Variants in NFYB observed in about 807,000 individuals in gnomAD.
NFYB encodes nuclear transcription factor Y subunit beta.
A neutral mutation model predicts 28.0 loss-of-function variants in NFYB; 13 were observed. That is an observed-to-expected ratio of 0.46 (90% confidence interval 0.30 to 0.74). NFYB has a LOEUF of 0.74. Among genes scored for constraint, NFYB ranks in the 30% least tolerant of loss-of-function variants. The pLI is 0.07. For missense variants in NFYB, 142 were observed against 247.6 expected (o/e 0.57, Z 2.86); for synonymous variants, 74 against 75.0 (o/e 0.99, Z 0.07).
intron 2 of NFYB, among the ~76,000 whole-genome samples, chr12:104,130,975 T>C (rs1020236105): frequency 1.3e-5 from 2 of 152,076 alleles, no homozygotes; most frequent in Non-Finnish European, 2.9e-5. Context: ...CCTGAATGAG[T>C]GTTTACATGA....
At chr12:104,137,674 G>A (rs1320780357) in intron 1 of NFYB, 28 of 149,512 alleles carry the variant, frequency 1.9e-4, no homozygotes, top group Admixed American at 1.3e-4. Flanking sequence ...ACAGCCCCGC[G>A]GGCGGGAGGA....
At chr12:104,125,087 A>T (rs2030631663) in intron 4 of NFYB, 3 of 152,340 alleles carry the variant, frequency 2.0e-5, no homozygotes, top group African/African-American at 7.2e-5. Context: ...AAGAAAAAAA[A>T]ATATCAATTT....
chr12:104,137,550 C>T (rs565669947), intron 1 of NFYB: 9 of 152,448 alleles, frequency 5.9e-5, no homozygotes, highest in Non-Finnish European at 1.2e-4. Context: ...GGAGGCCGCC[C>T]CCAGAGCGCA....
intron 1 of NFYB, among the ~76,000 whole-genome samples, chr12:104,137,016 T>C (rs770612539): frequency 6.6e-6 from 1 of 152,206 alleles, no homozygotes; most frequent in Non-Finnish European, 1.5e-5. Flanking sequence ...CTTTCAATAC[T>C]TTACAAATAA....
intron 5 of NFYB, among the ~76,000 whole-genome samples, 190 bp downstream of exon 5, chr12:104,123,036 C>T (rs1300032594): frequency 6.6e-6 from 1 of 151,808 alleles, no homozygotes; most frequent in Non-Finnish European, 1.5e-5. Flanking sequence ...CTTAGCCAGG[C>T]ATGGTGGTGC....
chr12:104,128,405 C>A lies in NFYB; in HGVS notation c.100+19G>T. The A allele has an allele frequency of 6.4e-7, 1 of 1,573,386 alleles. No individual in the cohort carries two copies. The highest frequency in any genetic ancestry group is 1.1e-5 in the South Asian group (1 of 87,630). On this transcript the variant is annotated intron_variant, in intron 3 of 7. Coordinates refer to ENST00000240055, the MANE Select transcript of NFYB (RefSeq NM_006166.4). ...CTTGCTTCAACTTGAGAATTTGGTT[C>A]TAATTGTGGCTTGCTTACCATCATG...
In NFYB at chr12:104,118,491, T is replaced by C. The variant is rs2030346554; in HGVS notation, c.*1246A>G. On this transcript the variant is annotated 3_prime_UTR_variant, in exon 8 of 8. Coordinates refer to ENST00000240055, the MANE Select transcript of NFYB (RefSeq NM_006166.4). ...TTCAAAGATGATATTCACTCCAACTTCCTTTTAGGCAAACTATACAATAGC... is the reference window on the plus strand; with the variant it reads ...TTCAAAGATGATATTCACTCCAACTCCCTTTTAGGCAAACTATACAATAGC... 1 of 152,554 alleles carries C rather than the reference T, an allele frequency of 6.6e-6. No homozygotes were observed. The highest frequency in any genetic ancestry group is 2.4e-5 in the African/African-American group (1 of 41,408). 9.5% of individuals were successfully genotyped at this position (152,554 alleles called of 1,614,324 possible).
intron 2 of NFYB, among the ~76,000 whole-genome samples, chr12:104,132,092 A>C (rs2136668478): frequency 6.6e-6 from 1 of 152,356 alleles, no homozygotes; most frequent in East Asian, 1.9e-4. Flanking sequence ...ATAATTAAGT[A>C]ATTGCTAGTG....
intron 2 of NFYB, 83 bp from the exon 3 acceptor site, chr12:104,128,600 A>C: frequency 1.2e-6 from 1 of 814,972 alleles, no homozygotes; most frequent in Non-Finnish European, 2.1e-6. Context: ...CTGTCACAGG[A>C]TGATGCATCA....
At chr12:104,123,145 C>T in intron 5 of NFYB, 81 bp downstream of exon 5, 2 of 1,101,204 alleles carry the variant, frequency 1.8e-6, no homozygotes, top group South Asian at 1.6e-5. Context: ...CACTGTACTC[C>T]AGCCTGGGCA....
intron 3 of NFYB, 129 bp from the exon 4 acceptor site, chr12:104,126,373 T>G: frequency 1.6e-6 from 1 of 632,156 alleles, no homozygotes; most frequent in Non-Finnish European, 2.3e-6. Flanking sequence ...GGGATTAGGA[T>G]AGCAAGTCTC....
At chr12:104,126,301 G>C (rs527971141) in intron 3 of NFYB, 57 bp from the exon 4 acceptor site, 1 of 1,312,806 alleles carries the variant, frequency 7.6e-7, no homozygotes, top group African/African-American at 1.5e-5. Flanking sequence ...TTTCAAGATA[G>C]AAAAAACTAC....
chr12:104,125,827 A>G (rs927321140), intron 4 of NFYB, among the ~76,000 whole-genome samples: 37 of 149,452 alleles, frequency 2.5e-4, no homozygotes, highest in Admixed American at 8.1e-4. Flanking sequence ...CAGCCTGGCC[A>G]ATAAGAGTGA....
chr12:104,133,124 C>A (rs2030984223), intron 2 of NFYB, among the ~76,000 whole-genome samples: 1 of 152,148 alleles, frequency 6.6e-6, no homozygotes, highest in Non-Finnish European at 1.5e-5. Context: ...ACAAATACTG[C>A]CCTCTTTAAT....
intron 4 of NFYB, among the ~76,000 whole-genome samples, chr12:104,124,944 T>G (rs367591983): frequency 6.6e-6 from 1 of 152,226 alleles, no homozygotes; most frequent in Non-Finnish European, 1.5e-5. Context: ...ATTACTTCCA[T>G]AAGTCTTTTT....
At chr12:104,134,019 G>T (rs1593638128) in intron 2 of NFYB, among the ~76,000 whole-genome samples, 1 of 152,138 alleles carries the variant, frequency 6.6e-6, no homozygotes, top group East Asian at 1.9e-4. Context: ...AAAGCTGCCA[G>T]TGATCTTGTC....
At chr12:104,131,080 A>T (rs540598416) in intron 2 of NFYB, 3 of 152,382 alleles carry the variant, frequency 2.0e-5, no homozygotes, top group East Asian at 3.8e-4. Context: ...TATAACACAA[A>T]CAAAAGTATT....
At chr12:104,135,404 C>G in intron 2 of NFYB, 44 bp downstream of exon 2, 1 of 1,525,510 alleles carries the variant, frequency 6.6e-7, no homozygotes, top group Non-Finnish European at 8.8e-7. Context: ...CAGCCAATTA[C>G]TATTCAAATC....
chr12:104,123,734 C>T (rs879266728), intron 4 of NFYB, among the ~76,000 whole-genome samples: 3 of 151,964 alleles, frequency 2.0e-5, no homozygotes, highest in Non-Finnish European at 4.4e-5. Context: ...CCGAGGCGGG[C>T]GGATGACCTG....
Sources: gnomAD v4.1 joint callset for allele counts (sites outside exome capture counted in the v4.1 genomes callset) on GRCh38, gnomAD v4.1.1 for gene constraint, MANE v1.5 for transcripts, NCBI Gene and HGNC (gene_info 2026-07-23, HGNC 2026-07-21) for gene names.